AOC3: variants seen among roughly 807,000 people sequenced by gnomAD.
The protein encoded by AOC3 is amine oxidase [copper-containing] 3.
Under a neutral mutation model 55.4 loss-of-function variants are expected in AOC3, and 47 were observed. The ratio of observed to expected loss-of-function variants is 0.85; its 90% CI spans 0.67 to 1.08. The LOEUF (loss-of-function observed/expected upper bound fraction) is 1.08, where lower values mean the gene tolerates loss of function less well. Ranked by LOEUF, AOC3 falls within the 50% of genes least tolerant of loss-of-function variation. The probability of loss-of-function intolerance (pLI) is 0.00; values close to 1 mark genes in which losing one functional copy is unlikely to be tolerated. For synonymous variants in AOC3, 386 were observed against 410.7 expected (o/e 0.94, Z 0.73); for missense variants, 853 against 993.1 (o/e 0.86, Z 1.90).
rs758798162 is a variant in AOC3, at chr17:42,852,547, G to T, written c.1204G>T (p.Val402Leu). The T allele has an allele frequency of 2.5e-6, 4 of 1,614,104 alleles. No homozygotes were observed. Among genetic ancestry groups the T allele is most frequent in the South Asian group, 2.2e-5 (2 of 91,092 alleles). Residue 402 changes from valine (V) to leucine (L), a missense_variant, in exon 1 of 4, where the codon GTG (valine) becomes TTG (leucine). Transcript: ENST00000308423. ...GTACACCACGCCCCTGACCCGTGGG[G>T]TGGACTGCCCCTACTTGGCCACCTA... ...GKYTTPLTRG[V>L]DCPYLATYVD...
intron 1 of AOC3, chr17:42,853,328 ATC>A (rs1332144295): frequency 4.9e-6 from 5 of 1,023,698 alleles, no homozygotes; most frequent in Non-Finnish European, 5.9e-6. Context: ...GTTTTGGAGG[ATC>A]TCTTTGCATT....
chr17:42,855,370 T>A lies in AOC3; in HGVS notation c.1887-74T>A, dbSNP rs1457011405. The A allele has an allele frequency of 7.1e-6, 11 of 1,547,256 alleles. No individual in the cohort carries two copies. In the East Asian group the frequency reaches 1.2e-4, roughly 17 times the overall value. On this transcript the variant is annotated intron_variant, in intron 2 of 3. Transcript: ENST00000308423. ...ATTGGGGAAGCTGAGCTCTGAGCAC[T>A]CAGTTCCCTTTCATCATAATCAGGC...
At chr17:42,856,124 A>T in intron 3 of AOC3, 151 bp from the exon 4 acceptor site, 1 of 951,370 alleles carries the variant, frequency 1.1e-6, no homozygotes, top group Non-Finnish European at 1.6e-6. Context: ...AGGTGTTCCT[A>T]ATATGAAATG....
At position 42,856,759 on chromosome 17, in the gene AOC3, C is replaced by A. The variant is rs2055756169; in HGVS notation, c.*209C>A. 1.6e-6 allele frequency: 1 copy of A among 632,106 alleles called. No homozygotes were observed. 39.2% of individuals were successfully genotyped at this position (632,106 alleles called of 1,614,324 possible). On this transcript the variant is annotated 3_prime_UTR_variant, in exon 4 of 4. Coordinates refer to ENST00000308423, the MANE Select transcript of AOC3 (RefSeq NM_003734.4). ...CAGGGGACACTGAACCTTGTTGATG[C>A]CAGCTGTACTGAGTTCTCATCCACA...
Position 42,851,853 on chromosome 17 carries a change from C to G in AOC3, c.510C>G (p.Pro170=), listed in dbSNP as rs180981981. The change falls in exon 1 of 4, where the codon CCC becomes CCG. Residue 170 remains proline (P), a synonymous_variant. Coordinates refer to ENST00000308423, the MANE Select transcript of AOC3 (RefSeq NM_003734.4). ...HGGPLPYHRR[P]VLFQEYLDID... is the part of the protein sequence containing the mutation. ...GCCCCCTGCCCTATCACCGACGCCC[C>G]GTGCTGTTCCAAGAGTACCTGGACA... 2.5e-5 allele frequency: 41 copies of G among 1,613,550 alleles called. No individual in the cohort carries two copies. The highest frequency in any genetic ancestry group is 3.1e-5 in the Non-Finnish European group (37 of 1,180,056).
Position 42,854,689 on chromosome 17 carries a change from G to A in AOC3, c.1842G>A (p.Pro614=), listed in dbSNP as rs766706120. 301 of 1,513,852 alleles carry A rather than the reference G, an allele frequency of 2.0e-4. No individual in the cohort carries two copies. The highest frequency in any genetic ancestry group is 2.4e-4 in the Non-Finnish European group (273 of 1,125,586). 93.8% of individuals were successfully genotyped at this position (1,513,852 alleles called of 1,614,324 possible). A position where few individuals can be genotyped will look rare whatever the true frequency, so the allele number is the denominator to read the frequency against. Residue 614 remains proline, a synonymous_variant, in exon 2 of 4, where the codon CCG becomes CCA. Coordinates refer to ENST00000308423, the MANE Select transcript of AOC3 (RefSeq NM_003734.4). ...RIQMLSFAGE[P]LPQNSSMARG... is the part of the protein sequence containing the mutation. ...AGATGCTCAGCTTTGCTGGAGAGCC[G>A]CTGCCCCAAAACAGCTCCATGGCGA...
Position 42,856,691 on chromosome 17 carries a change from C to A in AOC3, c.*141C>A, listed in dbSNP as rs2055755376. 2.0e-6 allele frequency: 2 copies of A among 1,020,788 alleles called. No homozygotes were observed. Among genetic ancestry groups the A allele is most frequent in the Admixed American group, 2.7e-5 (1 of 37,140 alleles). The allele number at this position is 1,020,788 out of a possible 1,614,324, so 63.2% of individuals were successfully genotyped here. A position where few individuals can be genotyped will look rare whatever the true frequency, so the allele number is the denominator to read the frequency against. Reference sequence around the variant, plus strand: ...TTTCTTCCACTACCCTCCCTCGCATCCGCCTCTGAGCCAGGAGCCTCCTGA... The same window carrying A: ...TTTCTTCCACTACCCTCCCTCGCATACGCCTCTGAGCCAGGAGCCTCCTGA... On this transcript the variant is annotated 3_prime_UTR_variant, in exon 4 of 4. Transcript: ENST00000308423.
intron 1 of AOC3, chr17:42,854,091 A>T (rs2055712127): frequency 5.4e-6 from 1 of 184,262 alleles, no homozygotes; most frequent in South Asian, 2.0e-4. Flanking sequence ...GAAGTTGCCT[A>T]GGCCATGCTC....
Position 42,852,501 on chromosome 17 carries a change from T to C in AOC3, c.1158T>C (p.Asp386=). The change falls in exon 1 of 4, where the codon GAT becomes GAC. Residue 386 remains aspartate (D), a synonymous_variant. Transcript: ENST00000308423. ...CAGCAATGACGACCCGCTATGTGGA[T>C]GGAGGCTTTGGCATGGGCAAGTACA... ...SPAAMTTRYV[D]GGFGMGKYTT... is the part of the protein sequence containing the mutation. The C allele has an allele frequency of 6.2e-7, 1 of 1,614,226 alleles. No homozygotes were observed. The highest frequency in any genetic ancestry group is 8.5e-7 in the Non-Finnish European group (1 of 1,180,038).
chr17:42,852,824 A>G lies in AOC3; in HGVS notation c.1481A>G (p.Tyr494Cys). Residue 494 changes from tyrosine to cysteine, a missense_variant, in exon 1 of 4, where the codon TAC becomes TGC. Coordinates refer to ENST00000308423, the MANE Select transcript of AOC3 (RefSeq NM_003734.4). ...AIEIRFYATG[Y>C]ISSAFLFGAT... Reference sequence around the variant, plus strand: ...GAAATACGATTCTATGCCACGGGCTACATCAGCTCGGCATTCCTCTTTGGT... The same window carrying G: ...GAAATACGATTCTATGCCACGGGCTGCATCAGCTCGGCATTCCTCTTTGGT... The G allele has an allele frequency of 1.9e-6, 3 of 1,614,072 alleles. No individual in the cohort carries two copies. Among genetic ancestry groups the G allele is most frequent in the African/African-American group, 1.3e-5 (1 of 75,036 alleles).
rs1451215517 is a variant in AOC3 at position 42,851,685 on chromosome 17, C to T, written c.342C>T (p.Asp114=). 1.2e-6 allele frequency: 2 copies of T among 1,612,544 alleles called. No homozygotes were observed. The highest frequency in any genetic ancestry group is 4.5e-5 in the East Asian group (2 of 44,876). Reference sequence around the variant, plus strand: ...AGGCTGCAGCCCTGGCTCACTTGGACAGGGGGAGCCCCCCACCTGCCCGGG... The same window carrying T: ...AGGCTGCAGCCCTGGCTCACTTGGATAGGGGGAGCCCCCCACCTGCCCGGG... ...PPKAAALAHL[D]RGSPPPAREA... is the part of the protein sequence containing the mutation. The change falls in exon 1 of 4, where the codon GAC becomes GAT. Residue 114 remains aspartate (D), a synonymous_variant. Transcript: ENST00000308423.
At position 42,852,600 on chromosome 17, in the gene AOC3, C is replaced by G. The variant is rs753226579; in HGVS notation, c.1257C>G (p.Ser419=). Residue 419 remains serine, a synonymous_variant, in exon 1 of 4, where the codon TCC becomes TCG. Transcript: ENST00000308423. ...TGGACTGGCACTTCCTTTTGGAGTCCCAGGCCCCCAAGACAATACGTGATG... is the reference window on the plus strand; with the variant it reads ...TGGACTGGCACTTCCTTTTGGAGTCGCAGGCCCCCAAGACAATACGTGATG... ...TYVDWHFLLE[S]QAPKTIRDAF... The G allele has an allele frequency of 2.5e-6, 4 of 1,614,070 alleles. No individual in the cohort carries two copies. In the African/African-American group the frequency reaches 5.3e-5, roughly 22 times the overall value.
rs2055702800 is a variant in AOC3, at chr17:42,853,394, T to C, written c.1600+451T>C. On this transcript the variant is annotated intron_variant, in intron 1 of 3. Coordinates refer to ENST00000308423, the MANE Select transcript of AOC3 (RefSeq NM_003734.4). Reference sequence around the variant, plus strand: ...GTCATTCCAGGTTGTACATTTCCTTTGGAGATGGACCCTCCTCCCTGATTT... The same window carrying C: ...GTCATTCCAGGTTGTACATTTCCTTCGGAGATGGACCCTCCTCCCTGATTT... The C allele has an allele frequency of 3.0e-6, 3 of 997,448 alleles. No individual in the cohort carries two copies. In the Admixed American group the frequency reaches 1.6e-4, roughly 53 times the overall value. 61.8% of individuals were successfully genotyped at this position (997,448 alleles called of 1,614,324 possible). A position where few individuals can be genotyped will look rare whatever the true frequency, so the allele number is the denominator to read the frequency against.
In AOC3 at chr17:42,855,430, C is replaced by A; in HGVS notation, c.1887-14C>A. 2 of 1,596,518 alleles carry A rather than the reference C, an allele frequency of 1.3e-6. No individual in the cohort carries two copies. Among genetic ancestry groups the A allele is most frequent in the Middle Eastern group, 1.7e-4 (1 of 5,944 alleles). ...GGGTCAATGGCCATGGAGGCCTGAC[C>A]AGTGCCTCCCTAGGTACCAGCTGGC... On this transcript the variant is annotated splice_polypyrimidine_tract_variant and intron_variant, in intron 2 of 3. Coordinates refer to ENST00000308423, the MANE Select transcript of AOC3 (RefSeq NM_003734.4).
rs2055677797 is a variant in AOC3 at position 42,852,077 on chromosome 17, T to A, written c.734T>A (p.Leu245Ter). ...GGGTTCTTCCTGCACCACGTGGGCT[T>A]GGAGCTGCTAGTGAACCACAAGGCC... Reference protein sequence around the residue: ...GAGFFLHHVGLELLVNHKALD... With the variant: ...GAGFFLHHVG The change falls in exon 1 of 4, where the codon TTG (leucine) becomes TAG (stop). Residue 245 changes from leucine (L) to a stop codon, truncating the protein, a stop_gained. Coordinates refer to ENST00000308423, the MANE Select transcript of AOC3 (RefSeq NM_003734.4). LOFTEE classifies it high-confidence loss of function. 6.2e-7 allele frequency: 1 copy of A among 1,613,740 alleles called. No homozygotes were observed. The highest frequency in any genetic ancestry group is 8.5e-7 in the Non-Finnish European group (1 of 1,179,850).
chr17:42,852,670 C>A lies in AOC3; in HGVS notation c.1327C>A (p.His443Asn). 1 of 1,614,188 alleles carries A rather than the reference C, an allele frequency of 6.2e-7. No homozygotes were observed. The highest frequency in any genetic ancestry group is 8.5e-7 in the Non-Finnish European group (1 of 1,180,032). ...EQNQGLPLRR[H>N]HSDLYSHYFG... ...GAACCAGGGCCTCCCCCTGCGGCGA[C>A]ACCACTCAGATCTCTACTCGCACTA... The change falls in exon 1 of 4, where the codon CAC becomes AAC. Residue 443 changes from histidine to asparagine, a missense_variant. Transcript: ENST00000308423.
rs1447842497 is a variant in AOC3 at position 42,851,813 on chromosome 17, T to C, written c.470T>C (p.Val157Ala). 1.2e-6 allele frequency: 2 copies of C among 1,613,430 alleles called. No homozygotes were observed. Among genetic ancestry groups the C allele is most frequent in the Non-Finnish European group, 1.7e-6 (2 of 1,180,036 alleles). ...PHPSYMRDVTVERHGGPLPYH... is the reference protein window; with the variant it reads ...PHPSYMRDVTAERHGGPLPYH... The stretch of plus-strand genomic sequence containing the variant: ...CCCTCCTACATGCGGGACGTGACTG[T>C]GGAGCGTCATGGAGGCCCCCTGCCC... The change falls in exon 1 of 4, where the codon GTG (valine) becomes GCG (alanine). Residue 157 changes from valine to alanine, a missense_variant. Val to Ala is a moderately conservative substitution (Grantham distance 64). Transcript: ENST00000308423.
At position 42,857,711 on chromosome 17, in the gene AOC3, G is replaced by A. The variant is rs1192946750; in HGVS notation, c.*1161G>A. Reference sequence around the variant, plus strand: ...GCTGTCCCTCCTGAGGTCTGGATTGGGGATGGGGACAAAGAAATAGCAAGA... The same window carrying A: ...GCTGTCCCTCCTGAGGTCTGGATTGAGGATGGGGACAAAGAAATAGCAAGA... On this transcript the variant is annotated 3_prime_UTR_variant, in exon 4 of 4. Transcript: ENST00000308423. The A allele has an allele frequency of 6.6e-6, 1 of 152,212 alleles. No homozygotes were observed. The highest frequency in any genetic ancestry group is 1.5e-5 in the Non-Finnish European group (1 of 68,062). The allele number at this position is 152,212 out of a possible 1,614,324, so 9.4% of individuals were successfully genotyped here. A position where few individuals can be genotyped will look rare whatever the true frequency, so the allele number is the denominator to read the frequency against.
chr17:42,854,793 G>A, intron 2 of AOC3, 60 bp downstream of exon 2: 2 of 1,403,186 alleles, frequency 1.4e-6, no homozygotes, highest in South Asian at 1.6e-5. Context: ...AGTGTTGGCG[G>A]ACACTCAGCT....
Sources: gnomAD v4.1 joint callset for allele counts on GRCh38, gnomAD v4.1.1 for gene constraint, MANE v1.5 for transcripts, NCBI Gene and HGNC (gene_info 2026-07-23, HGNC 2026-07-21) for gene names.